The following TACC2 variants were observed in gnomAD, a reference collection of about 807,000 sequenced individuals.
TACC2 encodes the protein transforming acidic coiled-coil-containing protein 2.
TACC2 carries 137 observed loss-of-function variants against 227.3 expected under a neutral mutation model. That is an observed-to-expected ratio of 0.60 (90% CI 0.52 to 0.69). The LOEUF (loss-of-function observed/expected upper bound fraction) is 0.69, where lower values mean the gene tolerates loss of function less well. TACC2 is among the 30% of genes least tolerant of loss of function. The pLI is 0.00. For synonymous variants in TACC2, 1,523 were observed against 1,487.5 expected (o/e 1.02, Z -0.55); for missense variants, 3,470 against 3,694.4 (o/e 0.94, Z 1.57).
At chr10:122,170,395 C>T (rs1465861482) in intron 7 of TACC2, among the ~76,000 whole-genome samples, 1 of 151,628 alleles carries the variant, frequency 6.6e-6, no homozygotes, top group African/African-American at 2.4e-5. Context: ...CTCAGCCTCC[C>T]AAGTAGCTGG....
At chr10:122,101,808 G>C in intron 5 of TACC2, among the ~76,000 whole-genome samples, 1 of 138,946 alleles carries the variant, frequency 7.2e-6, no homozygotes, top group Non-Finnish European at 1.5e-5. Context: ...TCCTGACCTT[G>C]TGATCTGCCT....
At position 122,194,285 on chromosome 10, in the gene TACC2, G is replaced by C. The variant is rs2094498165; in HGVS notation, c.5835-755G>C. Among the ~76,000 whole-genome samples the C allele has an allele frequency of 6.6e-6, 1 of 152,196 alleles. No homozygotes were observed. Among genetic ancestry groups the C allele is most frequent in the Admixed American group, 6.5e-5 (1 of 15,282 alleles). On this transcript the variant is annotated intron_variant, in intron 7 of 22. Transcript: ENST00000369005. The surrounding 1 kb of genome is among the most constrained non-coding windows in gnomAD (Gnocchi z 4.4). ...AGTGGCCTCTCCTTGTTAGTGGGCAGAGTTTCTCCACATGGATTTTTGGTC... is the reference window on the plus strand; with the variant it reads ...AGTGGCCTCTCCTTGTTAGTGGGCACAGTTTCTCCACATGGATTTTTGGTC...
intron 7 of TACC2, among the ~76,000 whole-genome samples, chr10:122,181,865 C>T (rs1362527423): frequency 6.6e-6 from 1 of 150,652 alleles, no homozygotes; most frequent in African/African-American, 2.5e-5. Flanking sequence ...TGCTGTTTAC[C>T]AGCTATTCTT....
At chr10:122,147,283 T>C (rs1406850384) in intron 7 of TACC2, among the ~76,000 whole-genome samples, 1 of 152,120 alleles carries the variant, frequency 6.6e-6, no homozygotes, top group African/African-American at 2.4e-5. Flanking sequence ...TAGCTGGGAT[T>C]ACAGGCTCCC....
intron 5 of TACC2, among the ~76,000 whole-genome samples, chr10:122,116,224 T>C (rs927968682): frequency 1.3e-5 from 2 of 152,208 alleles, no homozygotes; most frequent in African/African-American, 4.8e-5. Flanking sequence ...CCAGGGAATG[T>C]AGAGCAGCCG....
chr10:122,059,204 C>T (rs2076536479), intron 3 of TACC2, among the ~76,000 whole-genome samples: 2 of 152,010 alleles, frequency 1.3e-5, no homozygotes, highest in African/African-American at 4.8e-5. Context: ...GCGTGAGCCA[C>T]CACACCCGGG....
rs759053524 is a variant in TACC2 at position 122,083,465 on chromosome 10, A to T, written c.965A>T (p.Glu322Val). 25 of 1,613,320 alleles carry T rather than the reference A, an allele frequency of 1.5e-5. No individual in the cohort carries two copies. Among genetic ancestry groups the T allele is most frequent in the Non-Finnish European group, 1.9e-5 (22 of 1,180,020 alleles). The change falls in exon 4 of 23, where the codon GAA becomes GTA. Residue 322 changes from glutamate to valine, a missense_variant. Physicochemically the swap from Glu to Val is moderately radical, Grantham distance 121. Around this residue, in one of 10 missense-constraint regions of TACC2, gnomAD observed 33 missense variants for 60.4 expected, o/e 0.55. Transcript: ENST00000369005. Reference protein sequence around the residue: ...LPRSNSGAAPEAEVNAASQES... With the variant: ...LPRSNSGAAPVAEVNAASQES... ...AGGAGCAATTCAGGGGCTGCCCCAG[A>T]AGCAGAAGTGAATGCCGCTTCCCAG...
rs752326690 is a variant in TACC2, at chr10:122,086,406, G to C, written c.3906G>C (p.Gly1302=). The change falls in exon 4 of 23, where the codon GGG becomes GGC. Residue 1302 remains glycine (G), a synonymous_variant. Coordinates refer to ENST00000369005, the MANE Select transcript of TACC2 (RefSeq NM_206862.4). ...TGTTGCAACCAGGAGCTGCAGGTGG[G>C]GAAATCCCTGCAGTGCAAGCCAGCA... The part of the protein sequence containing the change: ...APLLQPGAAG[G]EIPAVQASSG... 1.9e-6 allele frequency: 3 copies of C among 1,613,642 alleles called. No individual in the cohort carries two copies. The highest frequency in any genetic ancestry group is 2.5e-6 in the Non-Finnish European group (3 of 1,180,004).
Position 122,085,860 on chromosome 10 carries a change from T to C in TACC2, c.3360T>C (p.Ala1120=), listed in dbSNP as rs775561709. ...SPKLLASFPS[A]GEQGGEAGAA... Reference sequence around the variant, plus strand: ...AGCTTCTTGCAAGTTTCCCATCAGCTGGGGAGCAAGGTGGTGAAGCCGGGG... The same window carrying C: ...AGCTTCTTGCAAGTTTCCCATCAGCCGGGGAGCAAGGTGGTGAAGCCGGGG... The change falls in exon 4 of 23, where the codon GCT becomes GCC. Residue 1120 remains alanine (A), a synonymous_variant. Coordinates refer to ENST00000369005, the MANE Select transcript of TACC2 (RefSeq NM_206862.4). 6.2e-7 allele frequency: 1 copy of C among 1,613,128 alleles called. No homozygotes were observed. The highest frequency in any genetic ancestry group is 8.5e-7 in the Non-Finnish European group (1 of 1,179,576).
chr10:122,111,632 A>G (rs1019891122), intron 5 of TACC2, among the ~76,000 whole-genome samples: 5 of 150,580 alleles, frequency 3.3e-5, no homozygotes, highest in South Asian at 2.1e-4. Flanking sequence ...CTGGGATTAC[A>G]GGCACACACC....
intron 2 of TACC2, among the ~76,000 whole-genome samples, chr10:122,038,929 G>A (rs1054460095): frequency 6.6e-6 from 1 of 152,150 alleles, no homozygotes; most frequent in Non-Finnish European, 1.5e-5. Context: ...GGCTTAGAAA[G>A]AACATTGGCG....
At chr10:122,156,773 G>A (rs898705992) in intron 7 of TACC2, among the ~76,000 whole-genome samples, 1 of 152,094 alleles carries the variant, frequency 6.6e-6, no homozygotes, top group African/African-American at 2.4e-5. Flanking sequence ...TTGCTTTCTG[G>A]TTTTTGGCAC....
chr10:122,111,338 A>T (rs2083572422), intron 5 of TACC2, among the ~76,000 whole-genome samples: 1 of 152,204 alleles, frequency 6.6e-6, no homozygotes, highest in East Asian at 1.9e-4. Context: ...GTCTTGAAGG[A>T]TGTGCATCTG....
At chr10:122,170,765 G>A (rs528075896) in intron 7 of TACC2, among the ~76,000 whole-genome samples, 6 of 152,176 alleles carry the variant, frequency 3.9e-5, no homozygotes, top group South Asian at 4.1e-4. Flanking sequence ...CCTGGCTCCC[G>A]CCGCTCCTCC....
intron 8 of TACC2, among the ~76,000 whole-genome samples, chr10:122,200,375 T>C (rs2094745111): frequency 6.6e-6 from 1 of 152,122 alleles, no homozygotes; most frequent in African/African-American, 2.4e-5. Context: ...CTGCCCACAG[T>C]GGCCACATCT....
intron 5 of TACC2, among the ~76,000 whole-genome samples, chr10:122,104,674 A>AT (rs201067457): frequency 0.023 from 3,514 of 152,184 alleles, 59 homozygotes; most frequent in South Asian, 0.054. Context: ...CTCAGCTTTC[A>AT]TTTTTTATTT....
intron 3 of TACC2, among the ~76,000 whole-genome samples, chr10:122,077,247 G>T (rs77905664): frequency 0.042 from 6,329 of 152,036 alleles, 185 homozygotes; most frequent in South Asian, 0.12. Context: ...CATCCATCCT[G>T]GCACTCACTC....
intron 16 of TACC2, among the ~76,000 whole-genome samples, chr10:122,231,337 T>C (rs537164675): frequency 1.4e-5 from 2 of 145,574 alleles, no homozygotes; most frequent in South Asian, 2.4e-4. Flanking sequence ...ATGAACCTGG[T>C]GTGTCAGACT....
chr10:121,995,440 T>A (rs979119960), intron 1 of TACC2, among the ~76,000 whole-genome samples: 7 of 152,224 alleles, frequency 4.6e-5, no homozygotes, highest in Non-Finnish European at 8.8e-5. Flanking sequence ...AAAGCCTTTA[T>A]CCCACTGACA....
Sources: gnomAD v4.1 joint callset for allele counts (sites outside exome capture counted in the v4.1 genomes callset) on GRCh38, gnomAD v4.1.1 for gene constraint, gnomAD v4.1.1 regional missense constraint, Gnocchi (gnomAD v3.1) non-coding constraint, MANE v1.5 for transcripts, NCBI Gene and HGNC (gene_info 2026-07-23, HGNC 2026-07-21) for gene names.